The following NAF1 variants were observed in gnomAD, a reference collection of about 807,000 sequenced individuals.
The protein encoded by NAF1 is H/ACA ribonucleoprotein complex non-core subunit NAF1.
In NAF1, 11 loss-of-function variants were observed where a neutral mutation model predicts 40.6. The ratio of observed to expected loss-of-function variants is 0.27; its 90% CI spans 0.17 to 0.45. The LOEUF (loss-of-function observed/expected upper bound fraction) is 0.45. Ranked by LOEUF, NAF1 falls within the 20% of genes least tolerant of loss-of-function variation. NAF1 has a pLI of 1.00. For synonymous variants in NAF1, 260 were observed against 228.5 expected (o/e 1.14, Z -1.24); for missense variants, 607 against 611.1 (o/e 0.99, Z 0.07).
At chr4:163,159,241 CTTTAA>C (rs1376632360) in intron 2 of NAF1, among the ~76,000 whole-genome samples, 4 of 152,088 alleles carry the variant, frequency 2.6e-5, no homozygotes, top group Non-Finnish European at 5.9e-5. Context: ...AGATATAAAA[CTTTAA>C]TTTAAAAAAC....
At chr4:163,106,844 A>AAC (rs1485676401), downstream of NAF1, among the ~76,000 whole-genome samples, 1 of 152,176 alleles carries the variant, frequency 6.6e-6, no homozygotes, top group Non-Finnish European at 1.5e-5. Flanking sequence ...AATTAGGCAA[A>AAC]ACTAGTAGAC....
At chr4:163,132,768 T>C (rs1225222232) in intron 7 of NAF1, among the ~76,000 whole-genome samples, 1 of 152,226 alleles carries the variant, frequency 6.6e-6, no homozygotes, top group Admixed American at 6.5e-5. Flanking sequence ...TTTACAACTG[T>C]ATGTGAATCT....
At position 163,140,228 on chromosome 4, in the gene NAF1, T is replaced by C. The variant is rs1731204669; in HGVS notation, c.873A>G (p.Leu291=). The change falls in exon 5 of 8, where the codon CTA becomes CTG. Residue 291 remains leucine, a synonymous_variant. Transcript: ENST00000274054. ...DFTQYIFTEK[L]KQDKGSDASW... The stretch of plus-strand genomic sequence containing the variant: ...CATGCCGGTAAAGTACTTACTGTTT[T>C]AGTTTTTCTGTGAATATATATTGAG... The C allele has an allele frequency of 1.9e-6, 3 of 1,589,274 alleles. No individual in the cohort carries two copies. Among genetic ancestry groups the C allele is most frequent in the Non-Finnish European group, 1.7e-6 (2 of 1,172,582 alleles).
downstream of NAF1, chr4:163,128,621 T>C (rs995287464): frequency 1.8e-6 from 1 of 569,032 alleles, no homozygotes; most frequent in Non-Finnish European, 2.3e-6. Flanking sequence ...TATATATATA[T>C]ATAGTTTAAC....
chr4:163,129,966 G>A (rs544868218), intron 7 of NAF1, among the ~76,000 whole-genome samples: 3 of 152,268 alleles, frequency 2.0e-5, no homozygotes, highest in South Asian at 2.1e-4. Context: ...ATAAGACCTC[G>A]TGGGATGTCA....
At chr4:163,130,811 A>C (rs1358952418) in intron 7 of NAF1, among the ~76,000 whole-genome samples, 1 of 152,248 alleles carries the variant, frequency 6.6e-6, no homozygotes, top group Non-Finnish European at 1.5e-5. Context: ...ACAGACCTCA[A>C]TGTAAAATGC....
intron 2 of NAF1, among the ~76,000 whole-genome samples, chr4:163,117,680 TACACACACACACACACACACAC>T (rs55869899): frequency 2.2e-5 from 3 of 134,852 alleles, no homozygotes; most frequent in Admixed American, 7.4e-5. Flanking sequence ...CTGGAAGCAA[TACACACACACACACACACACAC>T]ACACACACAC....
downstream of NAF1, among the ~76,000 whole-genome samples, chr4:163,106,629 T>C (rs1178744006): frequency 6.6e-6 from 1 of 152,180 alleles, no homozygotes; most frequent in Non-Finnish European, 1.5e-5. Flanking sequence ...TTGTTTCTTA[T>C]ATTAATACAG....
chr4:163,166,592 A>G lies in NAF1; in HGVS notation c.136T>C (p.Ser46Pro), dbSNP rs927607739. Residue 46 changes from serine (S) to proline (P), a missense_variant, in exon 1 of 8, where the codon TCG (serine) becomes CCG (proline). By Grantham distance (74) the Ser-to-Pro change is moderately conservative. This residue lies in a region of NAF1 where 407 missense variants were observed against 365.5 expected (regional missense o/e 1.11). Coordinates refer to ENST00000274054, the MANE Select transcript of NAF1 (RefSeq NM_138386.3). ...CCAGCGTCCGGGGACCCCTCAAACGACTGTAGCGGCGGCTGTGTCCCTGGC... is the reference window on the plus strand; with the variant it reads ...CCAGCGTCCGGGGACCCCTCAAACGGCTGTAGCGGCGGCTGTGTCCCTGGC... ...PVPGTQPPLQ[S>P]FEGSPDAGQT... is the part of the protein sequence containing the mutation. 5.6e-6 allele frequency: 9 copies of G among 1,611,622 alleles called. No individual in the cohort carries two copies. Among genetic ancestry groups the G allele is most frequent in the Non-Finnish European group, 7.6e-6 (9 of 1,179,488 alleles).
intron 2 of NAF1, chr4:163,117,654 A>ATTCT (rs10528006): frequency 0.78 from 115,670 of 148,514 alleles, 45,135 homozygotes; most frequent in South Asian, 0.84. Context: ...GTCTTCTCTT[A>ATTCT]TTATTTTTAA....
intron 2 of NAF1, among the ~76,000 whole-genome samples, chr4:163,112,062 G>A (rs915327978): frequency 6.6e-6 from 1 of 152,004 alleles, no homozygotes; most frequent in African/African-American, 2.4e-5. Flanking sequence ...GGGAGTCTGA[G>A]ATTATTAATA....
chr4:163,166,252 T>C (rs1420454264), intron 1 of NAF1, 111 bp downstream of exon 1: 23 of 1,366,278 alleles, frequency 1.7e-5, no homozygotes, highest in Non-Finnish European at 2.2e-5. Context: ...ACCAACGACC[T>C]GCCCACCCTC....
At chr4:163,111,611 A>AGT (rs1730161881) in intron 2 of NAF1, among the ~76,000 whole-genome samples, 1 of 152,164 alleles carries the variant, frequency 6.6e-6, no homozygotes, top group Non-Finnish European at 1.5e-5. Flanking sequence ...TCTGAGTCCA[A>AGT]GTGTCTGGAA....
chr4:163,150,852 T>C (rs992068914), intron 2 of NAF1, among the ~76,000 whole-genome samples: 8 of 152,124 alleles, frequency 5.3e-5, no homozygotes, highest in Non-Finnish European at 7.4e-5. Flanking sequence ...AAATTTCTTC[T>C]TAAAAAGTCA....
rs1329525390 is a variant in NAF1 at position 163,166,629 on chromosome 4, G to A, written c.99C>T (p.Gly33=). ...VGEGPAAPSP[G]SAPVPGTQPP... is the part of the protein sequence containing the mutation. ...GCTGTGTCCCTGGCACAGGGGCAGAGCCCGGAGACGGAGCCGCCGGACCTT... is the reference window on the plus strand; with the variant it reads ...GCTGTGTCCCTGGCACAGGGGCAGAACCCGGAGACGGAGCCGCCGGACCTT... The change falls in exon 1 of 8, where the codon GGC becomes GGT. Residue 33 remains glycine (G), a synonymous_variant. Coordinates refer to ENST00000274054, the MANE Select transcript of NAF1 (RefSeq NM_138386.3). 6.2e-7 allele frequency: 1 copy of A among 1,611,806 alleles called. No homozygotes were observed. Among genetic ancestry groups the A allele is most frequent in the African/African-American group, 1.3e-5 (1 of 75,054 alleles).
chr4:163,144,020 A>G (rs1357326887), intron 4 of NAF1: 1 of 976,242 alleles, frequency 1.0e-6, no homozygotes, highest in Non-Finnish European at 1.2e-6. Context: ...ACAACACTCC[A>G]TCAATATAAT....
downstream of NAF1, among the ~76,000 whole-genome samples, chr4:163,125,627 G>A (rs1339007133): frequency 2.6e-5 from 4 of 152,212 alleles, no homozygotes; most frequent in Non-Finnish European, 4.4e-5. Context: ...TTTAAGGAAA[G>A]AAGCCATCTC....
At chr4:163,134,021 C>T (rs1226074339) in intron 6 of NAF1, among the ~76,000 whole-genome samples, 1 of 152,088 alleles carries the variant, frequency 6.6e-6, no homozygotes, top group Non-Finnish European at 1.5e-5. Context: ...AATGATCCAA[C>T]TCCTAAGAGG....
intron 2 of NAF1, among the ~76,000 whole-genome samples, chr4:163,113,047 G>C (rs1730212067): frequency 6.6e-6 from 1 of 152,160 alleles, no homozygotes; most frequent in African/African-American, 2.4e-5. Context: ...GAAAAATTGA[G>C]ACATCAAACC....
Sources: allele counts gnomAD v4.1 joint callset (sites outside exome capture counted in the v4.1 genomes callset), GRCh38; gene constraint gnomAD v4.1.1; regional missense constraint gnomAD v4.1.1; transcripts MANE v1.5; gene names NCBI Gene and HGNC (gene_info 2026-07-23, HGNC 2026-07-21).